Variants in PRDM1 observed in about 807,000 individuals in gnomAD.
PRDM1 encodes the protein PR domain zinc finger protein 1.
Under a neutral mutation model 62.8 loss-of-function variants are expected in PRDM1, and 13 were observed. That is an observed-to-expected ratio of 0.21 (90% CI 0.13 to 0.33). The LOEUF (loss-of-function observed/expected upper bound fraction) is 0.33. PRDM1 is among the 10% of genes least tolerant of loss of function. The pLI, the probability that PRDM1 is intolerant of heterozygous loss-of-function variation, is 1.00. For missense variants in PRDM1, 895 were observed against 1,058.8 expected (o/e 0.85, Z 2.15); for synonymous variants, 396 against 417.6 (o/e 0.95, Z 0.63).
intron 1 of PRDM1, among the ~76,000 whole-genome samples, chr6:106,077,832 GA>G (rs1369362601): frequency 6.6e-6 from 1 of 152,186 alleles, no homozygotes; most frequent in Non-Finnish European, 1.5e-5. Context: ...GGTCAATAAG[GA>G]AATAAATCTT....
chr6:106,080,440 C>T (rs1773677405), intron 1 of PRDM1, among the ~76,000 whole-genome samples: 2 of 152,242 alleles, frequency 1.3e-5, no homozygotes, highest in South Asian at 4.2e-4. Flanking sequence ...CTTCCTTCTC[C>T]TCCCCTCAAT....
intron 1 of PRDM1, among the ~76,000 whole-genome samples, chr6:106,032,165 A>T (rs1404811570): frequency 2.0e-5 from 3 of 151,458 alleles, no homozygotes; most frequent in Non-Finnish European, 4.4e-5. Flanking sequence ...CATATTAAAG[A>T]ATACTTTATT....
intron 1 of PRDM1, among the ~76,000 whole-genome samples, chr6:106,035,485 T>A (rs1582433628): frequency 6.6e-6 from 1 of 151,892 alleles, no homozygotes; most frequent in Non-Finnish European, 1.5e-5. Context: ...AAAAATTAAC[T>A]GGGTGTGGTG....
chr6:106,103,749 G>A (rs574483406), intron 4 of PRDM1, among the ~76,000 whole-genome samples: 37 of 152,248 alleles, frequency 2.4e-4, no homozygotes, highest in African/African-American at 7.7e-4. Context: ...AAGTAATAAC[G>A]TGCCGTCTTT....
upstream of PRDM1, among the ~76,000 whole-genome samples, chr6:106,082,732 C>A (rs984416896): frequency 2.6e-5 from 4 of 152,152 alleles, no homozygotes; most frequent in African/African-American, 9.7e-5. Flanking sequence ...ACACTGACCT[C>A]ATTCCAAAAC....
chr6:106,064,566 C>T (rs138342228), intron 1 of PRDM1, among the ~76,000 whole-genome samples: 1 of 152,286 alleles, frequency 6.6e-6, no homozygotes, highest in African/African-American at 2.4e-5. Flanking sequence ...CGTCTGAGGG[C>T]GTGCGGCCCA....
intron 2 of PRDM1, among the ~76,000 whole-genome samples, chr6:106,088,964 G>A (rs963884366): frequency 6.6e-6 from 1 of 152,198 alleles, no homozygotes; most frequent in Non-Finnish European, 1.5e-5. Flanking sequence ...GGTATAAGCC[G>A]AGAAAGGGGG....
intron 4 of PRDM1, among the ~76,000 whole-genome samples, chr6:106,103,165 T>C (rs1192049877): frequency 6.6e-6 from 1 of 152,120 alleles, no homozygotes; most frequent in Non-Finnish European, 1.5e-5. Flanking sequence ...AGCGTTCTTC[T>C]CTGTGTTTAT....
intron 1 of PRDM1, among the ~76,000 whole-genome samples, chr6:106,068,788 C>G (rs74604385): frequency 1.2e-4 from 19 of 152,292 alleles, no homozygotes; most frequent in African/African-American, 4.6e-4. Context: ...TTTTCTTTCC[C>G]CACATAAGGA....
intron 1 of PRDM1, among the ~76,000 whole-genome samples, chr6:106,025,028 T>C (rs574552466): frequency 6.6e-6 from 1 of 151,996 alleles, no homozygotes; most frequent in East Asian, 1.9e-4. Context: ...AGAACTTCTT[T>C]GATCTCGTTA....
intron 1 of PRDM1, among the ~76,000 whole-genome samples, chr6:106,069,329 C>G (rs1017960858): frequency 6.6e-6 from 1 of 151,810 alleles, no homozygotes; most frequent in East Asian, 1.9e-4. Flanking sequence ...CCTGATGACA[C>G]AGAGCTTTAA....
intron 1 of PRDM1, among the ~76,000 whole-genome samples, chr6:106,079,306 A>G (rs1029173715): frequency 6.6e-6 from 1 of 152,204 alleles, no homozygotes; most frequent in South Asian, 2.1e-4. Context: ...AACAAGGATC[A>G]GTGAGGGAAA....
Position 106,062,471 on chromosome 6 carries a change from T to C in PRDM1, c.-67+13757T>C, listed in dbSNP as rs1180346680. On this transcript the variant is annotated intron_variant, in intron 1 of 6. Coordinates refer to the PRDM1 transcript ENST00000651185. ...ATGTATTTCCAGTGCTCCAGATGCC[T>C]CTGCACAGTTGTTGATGGGAATGTG... is the stretch of plus-strand genomic sequence containing the variant. Among the ~76,000 whole-genome samples the C allele has an allele frequency of 2.0e-5, 3 of 152,336 alleles. No homozygotes were observed. The East Asian group carries it at 5.8e-4, about 29-fold the overall frequency.
chr6:106,020,182 C>CA (rs371335498), intron 1 of PRDM1, among the ~76,000 whole-genome samples: 38,243 of 102,240 alleles, frequency 0.37, 5,566 homozygotes, highest in Middle Eastern at 0.43. Flanking sequence ...GACTCTGTCT[C>CA]AAAAAAAAAA....
intron 1 of PRDM1, among the ~76,000 whole-genome samples, chr6:106,002,886 G>A (rs1199751353): frequency 6.6e-6 from 1 of 152,168 alleles, no homozygotes; most frequent in Non-Finnish European, 1.5e-5. Flanking sequence ...ACTGTGTGTG[G>A]CCAAGAGAGG....
rs760613952 is a variant in PRDM1 at position 106,088,433 on chromosome 6, C to G, written c.275C>G (p.Ala92Gly). ...SLPRNLLFKY[A>G]TNSEEVIGVM... The stretch of plus-strand genomic sequence containing the variant: ...CCAAGGAATCTGCTTTTCAAGTATG[C>G]CACCAACAGTGAAGAGGTAAGCCTC... The change falls in exon 2 of 7, where the codon GCC (alanine) becomes GGC (glycine). Residue 92 changes from alanine (A) to glycine (G), a missense_variant. By Grantham distance (60) the Ala-to-Gly change is moderately conservative (BLOSUM62 0). This residue lies in a region of PRDM1 where 213 missense variants were observed against 283.9 expected (regional missense o/e 0.75). Coordinates refer to ENST00000369096, the MANE Select transcript of PRDM1 (RefSeq NM_001198.4). 1.2e-6 allele frequency: 2 copies of G among 1,614,156 alleles called. No homozygotes were observed. The highest frequency in any genetic ancestry group is 2.2e-5 in the South Asian group (2 of 91,088).
At chr6:106,074,922 C>T (rs1039968840) in intron 1 of PRDM1, among the ~76,000 whole-genome samples, 3 of 152,146 alleles carry the variant, frequency 2.0e-5, no homozygotes, top group East Asian at 1.9e-4. Context: ...TGCAGTGATC[C>T]GAGGCCTTGG....
chr6:106,044,194 C>CTTT (rs559769433), upstream of PRDM1, among the ~76,000 whole-genome samples: 2 of 128,110 alleles, frequency 1.6e-5, no homozygotes, highest in Non-Finnish European at 3.4e-5. Flanking sequence ...TTTTTTCTTT[C>CTTT]TTTTTTTTTT....
chr6:106,034,409 A>G (rs141807221), intron 1 of PRDM1, among the ~76,000 whole-genome samples: 4 of 152,096 alleles, frequency 2.6e-5, no homozygotes, highest in African/African-American at 7.2e-5. Flanking sequence ...CCCCTTAGCA[A>G]TGCTTTTGCT....
Sources: allele counts gnomAD v4.1 joint callset (sites outside exome capture counted in the v4.1 genomes callset), GRCh38; gene constraint gnomAD v4.1.1; regional missense constraint gnomAD v4.1.1; transcripts MANE v1.5; gene names NCBI Gene and HGNC (gene_info 2026-07-23, HGNC 2026-07-21).